NRG3: variants seen among roughly 807,000 people sequenced by gnomAD.
The protein encoded by NRG3 is neuregulin 3, also known as pro-neuregulin-3, membrane-bound isoform.
NRG3 carries 31 observed loss-of-function variants against 66.9 expected under a neutral mutation model. The observed-to-expected ratio is 0.46, with a 90% CI of 0.35 to 0.63. The LOEUF (loss-of-function observed/expected upper bound fraction) is 0.63, where lower values mean the gene tolerates loss of function less well. NRG3 is among the 20% of genes least tolerant of loss of function. NRG3 has a pLI of 0.00. For missense variants in NRG3, 910 were observed against 878.9 expected (o/e 1.04, Z -0.45); for synonymous variants, 393 against 359.4 (o/e 1.09, Z -1.06).
chr10:81,946,197 A>G (rs1007824445), intron 1 of NRG3, among the ~76,000 whole-genome samples: 2 of 152,072 alleles, frequency 1.3e-5, no homozygotes, highest in Admixed American at 1.3e-4. Flanking sequence ...TTGTACTTTT[A>G]GTAGAGACGA....
In NRG3 at chr10:82,621,109, A is replaced by G. The variant is rs376219765; in HGVS notation, c.954-117468A>G. Reference sequence around the variant, plus strand: ...CTCCCAGTGTTGAGATGACACTTTCATTTTAGTTTTTATTATTCAATGTGT... The same window carrying G: ...CTCCCAGTGTTGAGATGACACTTTCGTTTTAGTTTTTATTATTCAATGTGT... On this transcript the variant is annotated intron_variant, in intron 2 of 8. Coordinates refer to ENST00000372141, the MANE Select transcript of NRG3 (RefSeq NM_001010848.4). Among the ~76,000 whole-genome samples, 21 of 152,226 alleles carry G rather than the reference A, an allele frequency of 1.4e-4. No individual in the cohort carries two copies. In the East Asian group the frequency reaches 1.9e-3, roughly 14 times the overall value.
chr10:82,164,219 AT>A (rs2071850992), intron 1 of NRG3, among the ~76,000 whole-genome samples: 1 of 151,866 alleles, frequency 6.6e-6, no homozygotes. Context: ...ACCTGGCAAA[AT>A]TTTTTAATTG....
chr10:82,187,801 C>A (rs1469186023), intron 1 of NRG3, among the ~76,000 whole-genome samples: 1 of 152,042 alleles, frequency 6.6e-6, no homozygotes, highest in Non-Finnish European at 1.5e-5. Context: ...ACTTAGATGG[C>A]ATTACTGAAT....
At chr10:81,903,427 T>A (rs1844266738) in intron 1 of NRG3, among the ~76,000 whole-genome samples, 2 of 152,130 alleles carry the variant, frequency 1.3e-5, no homozygotes. Context: ...TGGGTTAACA[T>A]GATAAAGGAA....
At chr10:82,873,565 C>T (rs1475187796) in intron 4 of NRG3, among the ~76,000 whole-genome samples, 1 of 152,140 alleles carries the variant, frequency 6.6e-6, no homozygotes, top group Non-Finnish European at 1.5e-5. Flanking sequence ...CGAAGGATTT[C>T]TTATCTAACA....
At chr10:82,457,022 T>C (rs2045438950) in intron 2 of NRG3, among the ~76,000 whole-genome samples, 1 of 152,182 alleles carries the variant, frequency 6.6e-6, no homozygotes, top group South Asian at 2.1e-4. Context: ...TTTTTCAAAG[T>C]GCTAGACAGT....
chr10:82,602,436 G>A (rs950193320), intron 2 of NRG3, among the ~76,000 whole-genome samples: 1 of 151,818 alleles, frequency 6.6e-6, no homozygotes, highest in African/African-American at 2.4e-5. Context: ...TCTACTTATA[G>A]TATGAGTGGA....
chr10:81,936,423 G>T (rs1222756481), intron 1 of NRG3, among the ~76,000 whole-genome samples: 1 of 152,058 alleles, frequency 6.6e-6, no homozygotes, highest in African/African-American at 2.4e-5. Context: ...GTCTCTGTAG[G>T]TTACTAAGCA....
intron 2 of NRG3, among the ~76,000 whole-genome samples, chr10:82,591,377 G>A (rs1370680644): frequency 6.6e-6 from 1 of 152,176 alleles, no homozygotes; most frequent in Non-Finnish European, 1.5e-5. Context: ...TTTAAGTGCA[G>A]TCAAACTTGG....
intron 3 of NRG3, among the ~76,000 whole-genome samples, chr10:82,843,720 A>G (rs1380392711): frequency 6.6e-6 from 1 of 152,216 alleles, no homozygotes; most frequent in African/African-American, 2.4e-5. Flanking sequence ...AATGAAGGGA[A>G]GGGAGAAGGG....
rs550950599 is a variant in NRG3, at chr10:82,449,790, C to T, written c.953+90922C>T. Among the ~76,000 whole-genome samples the T allele has an allele frequency of 1.2e-3, 186 of 152,286 alleles. 1 individual carries two copies. Among genetic ancestry groups the T allele is most frequent in the African/African-American group, 3.7e-3 (152 of 41,570 alleles). The stretch of plus-strand genomic sequence containing the variant: ...CAGCTCCACTTACTCCAATCATATA[C>T]GTTTTTTTGAGCAACCTGTCTGTAT... On this transcript the variant is annotated intron_variant, in intron 2 of 8. Coordinates refer to ENST00000372141, the MANE Select transcript of NRG3 (RefSeq NM_001010848.4).
intron 1 of NRG3, among the ~76,000 whole-genome samples, chr10:82,079,132 C>T (rs1400560024): frequency 1.3e-5 from 2 of 151,830 alleles, no homozygotes; most frequent in Non-Finnish European, 2.9e-5. Context: ...GCAACCTCCG[C>T]CTCCCGGGTT....
chr10:82,761,900 GTTCT>G (rs1359223722), intron 3 of NRG3, among the ~76,000 whole-genome samples: 245 of 130,082 alleles, frequency 1.9e-3, no homozygotes, highest in African/African-American at 6.9e-3. Context: ...TCTTCCTTCC[GTTCT>G]TTCTTCTTTC....
At chr10:82,812,828 T>C (rs2061546610) in intron 3 of NRG3, among the ~76,000 whole-genome samples, 2 of 152,230 alleles carry the variant, frequency 1.3e-5, no homozygotes, top group Non-Finnish European at 1.5e-5. Flanking sequence ...AAGTTAGATG[T>C]TTTATTCTAC....
At chr10:82,287,463 C>A (rs551459992) in intron 1 of NRG3, among the ~76,000 whole-genome samples, 83 of 151,946 alleles carry the variant, frequency 5.5e-4, no homozygotes, top group Non-Finnish European at 9.9e-4. Context: ...TCAGATATTT[C>A]TTTATAGCAA....
chr10:82,580,531 TTC>T (rs1167140495), intron 2 of NRG3, among the ~76,000 whole-genome samples: 1 of 152,026 alleles, frequency 6.6e-6, no homozygotes, highest in Non-Finnish European at 1.5e-5. Flanking sequence ...CTTGAAAATC[TTC>T]TGTCTTTCAT....
At chr10:82,696,158 A>G (rs1248180874) in intron 2 of NRG3, among the ~76,000 whole-genome samples, 1 of 152,202 alleles carries the variant, frequency 6.6e-6, no homozygotes, top group Non-Finnish European at 1.5e-5. Flanking sequence ...AGAATGTCCC[A>G]GCAAGACTAT....
At chr10:82,938,358 G>T (rs550953503) in intron 4 of NRG3, among the ~76,000 whole-genome samples, 1 of 152,132 alleles carries the variant, frequency 6.6e-6, no homozygotes, top group African/African-American at 2.4e-5. Context: ...AGAAGCTCCC[G>T]AGGTGTTTCT....
intron 1 of NRG3, among the ~76,000 whole-genome samples, chr10:81,898,807 C>A (rs900817355): frequency 6.6e-6 from 1 of 151,662 alleles, no homozygotes; most frequent in East Asian, 1.9e-4. Flanking sequence ...AAAATCAGAG[C>A]ATGAGAAAAC....
Sources: allele counts gnomAD v4.1 joint callset (sites outside exome capture counted in the v4.1 genomes callset), GRCh38; gene constraint gnomAD v4.1.1; transcripts MANE v1.5; gene names NCBI Gene and HGNC (gene_info 2026-07-23, HGNC 2026-07-21).